Variants in MALT1 observed in about 807,000 individuals in gnomAD.
MALT1 encodes MALT1 paracaspase.
Under a neutral mutation model 85.5 loss-of-function variants are expected in MALT1, and 36 were observed. The ratio of observed to expected loss-of-function variants is 0.42; its 90% confidence interval spans 0.32 to 0.56. The LOEUF (loss-of-function observed/expected upper bound fraction) is 0.56, where lower values mean the gene tolerates loss of function less well. Ranked by LOEUF, MALT1 falls within the 20% of genes least tolerant of loss-of-function variation. MALT1 has a pLI of 0.10. For missense variants in MALT1, 716 were observed against 981.6 expected (o/e 0.73, Z 3.62); for synonymous variants, 359 against 361.3 (o/e 0.99, Z 0.07).
chr18:58,724,494 C>A (rs1383113633), intron 10 of MALT1, among the ~76,000 whole-genome samples: 1 of 152,040 alleles, frequency 6.6e-6, no homozygotes, highest in Non-Finnish European at 1.5e-5. Context: ...AAAGAATATA[C>A]AATGCAAATA....
chr18:58,679,733 G>T (rs2054292684), intron 1 of MALT1, among the ~76,000 whole-genome samples: 2 of 152,198 alleles, frequency 1.3e-5, no homozygotes, highest in South Asian at 4.1e-4. Context: ...ATTTTTAGTA[G>T]AGATGGGGCT....
Position 58,745,708 on chromosome 18 carries a change from G to A in MALT1, c.1954G>A (p.Glu652Lys). The change falls in exon 16 of 17, where the codon GAA becomes AAA. Residue 652 changes from glutamate to lysine, a missense_variant. Around this residue, in one of 4 missense-constraint regions of MALT1, gnomAD observed 260 missense variants for 323.7 expected, o/e 0.80. Coordinates refer to ENST00000649217, the MANE Select transcript of MALT1 (RefSeq NM_006785.4). Reference sequence around the variant, plus strand: ...AAAAGATGCAAATAAAGGCACACCTGAAGAAACTGGCAGCTACTTGGTATC... The same window carrying A: ...AAAAGATGCAAATAAAGGCACACCTAAAGAAACTGGCAGCTACTTGGTATC... ...DPKDANKGTP[E>K]ETGSYLVSKD... 1 of 1,613,528 alleles carries A rather than the reference G, an allele frequency of 6.2e-7. No homozygotes were observed. The highest frequency in any genetic ancestry group is 8.5e-7 in the Non-Finnish European group (1 of 1,179,630).
intron 2 of MALT1, chr18:58,690,415 G>A (rs2054479305): frequency 6.4e-6 from 1 of 155,784 alleles, no homozygotes; most frequent in Non-Finnish European, 1.4e-5. Context: ...TCAACCTTGG[G>A]AGCTTCGGGG....
In MALT1 at chr18:58,752,799, CAAAAAT is replaced by C. The variant is rs763134333; in HGVS notation, c.*4962_*4967del. On this transcript the variant is annotated 3_prime_UTR_variant, in exon 17 of 17. Transcript: ENST00000649217. ...TGGACGACAGGGCAAGACGCTGTCT[CAAAAAT>C]AAAATATTAGTAAAGAAGAGTACAA... 1.3e-5 allele frequency: 2 copies of C among 152,002 alleles called. No individual in the cohort carries two copies. Among genetic ancestry groups the C allele is most frequent in the Admixed American group, 1.3e-4 (2 of 15,262 alleles). The allele number at this position is 152,002 out of a possible 1,614,324, so 9.4% of individuals were successfully genotyped here. A position where few individuals can be genotyped will look rare whatever the true frequency, so the allele number is the denominator to read the frequency against.
At chr18:58,713,980 C>G in intron 7 of MALT1, 103 bp from the exon 8 acceptor site, 1 of 620,860 alleles carries the variant, frequency 1.6e-6, no homozygotes, top group Admixed American at 3.1e-5. Flanking sequence ...TGATAAAACA[C>G]TATAACATGA....
intron 4 of MALT1, among the ~76,000 whole-genome samples, chr18:58,705,289 C>CGTGTGTGTGTGT (rs59890170): frequency 4.8e-5 from 7 of 147,000 alleles, no homozygotes; most frequent in Non-Finnish European, 9.0e-5. Context: ...TGTAAAAGTA[C>CGTGTGTGTGTGT]GTGTGTGTGT....
chr18:58,708,973 C>T (rs2054795172), intron 4 of MALT1, among the ~76,000 whole-genome samples: 1 of 152,170 alleles, frequency 6.6e-6, no homozygotes, highest in Non-Finnish European at 1.5e-5. Flanking sequence ...TGTCAAAGAA[C>T]GGAACTTAGA....
intron 9 of MALT1, among the ~76,000 whole-genome samples, chr18:58,720,464 A>G (rs2054968101): frequency 6.6e-6 from 1 of 152,230 alleles, no homozygotes; most frequent in South Asian, 2.1e-4. Flanking sequence ...CAGTAAAGTC[A>G]AGGAAATGCT....
intron 3 of MALT1, among the ~76,000 whole-genome samples, chr18:58,699,398 C>CA (rs1354482496): frequency 2.6e-5 from 4 of 152,128 alleles, no homozygotes; most frequent in Non-Finnish European, 5.9e-5. Context: ...TCCCAGTTGT[C>CA]ACATCCTGAG....
chr18:58,676,000 C>G (rs2054234118), intron 1 of MALT1, among the ~76,000 whole-genome samples: 1 of 152,174 alleles, frequency 6.6e-6, no homozygotes, highest in Admixed American at 6.5e-5. Context: ...CTTTTACACA[C>G]AAATCGTTTT....
intron 10 of MALT1, among the ~76,000 whole-genome samples, chr18:58,730,055 C>T (rs957333966): frequency 3.3e-5 from 5 of 152,036 alleles, no homozygotes; most frequent in Non-Finnish European, 2.9e-5. Flanking sequence ...GTAGATAGAA[C>T]GGAGATAGAG....
intron 9 of MALT1, among the ~76,000 whole-genome samples, chr18:58,722,522 G>A (rs895928314): frequency 1.3e-5 from 2 of 152,170 alleles, no homozygotes; most frequent in East Asian, 1.9e-4. Context: ...GGCTACTGCA[G>A]AAACCAAGAA....
intron 10 of MALT1, among the ~76,000 whole-genome samples, chr18:58,729,307 TG>T (rs2055110500): frequency 6.6e-6 from 1 of 151,960 alleles, no homozygotes; most frequent in South Asian, 2.1e-4. Context: ...CTGACCAACA[TG>T]GAGAAACCCT....
intron 13 of MALT1, among the ~76,000 whole-genome samples, chr18:58,736,590 G>A (rs2055224567): frequency 6.6e-6 from 1 of 152,154 alleles, no homozygotes; most frequent in Non-Finnish European, 1.5e-5. Flanking sequence ...TTAATAAAAA[G>A]CACCATGCTC....
Position 58,741,817 on chromosome 18 carries a change from A to G in MALT1, c.1604-48A>G, listed in dbSNP as rs367874317. Reference sequence around the variant, plus strand: ...AGTTCTTAGCCTAAATATTTAAAACATAAGAATTGGTGGTCTTAAAAATAA... The same window carrying G: ...AGTTCTTAGCCTAAATATTTAAAACGTAAGAATTGGTGGTCTTAAAAATAA... On this transcript the variant is annotated intron_variant, in intron 13 of 16. Transcript: ENST00000649217. 31 of 1,179,050 alleles carry G rather than the reference A, an allele frequency of 2.6e-5. No homozygotes were observed. The East Asian group carries it at 3.2e-4, about 12-fold the overall frequency. The allele number at this position is 1,179,050 out of a possible 1,614,324, so 73.0% of individuals were successfully genotyped here. A position where few individuals can be genotyped will look rare whatever the true frequency, so the allele number is the denominator to read the frequency against.
chr18:58,718,287 A>G (rs1023368651), intron 9 of MALT1, among the ~76,000 whole-genome samples: 1 of 152,214 alleles, frequency 6.6e-6, no homozygotes, highest in Non-Finnish European at 1.5e-5. Flanking sequence ...TATCAGGTCA[A>G]CTTCTATCAT....
At chr18:58,712,536 C>A (rs1306609594) in intron 7 of MALT1, among the ~76,000 whole-genome samples, 3 of 152,060 alleles carry the variant, frequency 2.0e-5, no homozygotes, top group Admixed American at 6.6e-5. Flanking sequence ...TTGAGACTGG[C>A]AAGAGGCTTG....
intron 1 of MALT1, among the ~76,000 whole-genome samples, chr18:58,674,986 G>A (rs2054219813): frequency 1.3e-5 from 2 of 152,160 alleles, no homozygotes; most frequent in Admixed American, 6.5e-5. Flanking sequence ...AGAAATAATT[G>A]TAAATGTTTT....
chr18:58,733,996 G>A, intron 11 of MALT1: 1 of 1,177,464 alleles, frequency 8.5e-7, no homozygotes, highest in African/African-American at 1.6e-5. Context: ...GATCCCATTT[G>A]TCTGCCATTG....
Sources: allele counts gnomAD v4.1 joint callset (sites outside exome capture counted in the v4.1 genomes callset), GRCh38; gene constraint gnomAD v4.1.1; regional missense constraint gnomAD v4.1.1; transcripts MANE v1.5; gene names NCBI Gene and HGNC (gene_info 2026-07-23, HGNC 2026-07-21).